AMER3: variants seen among roughly 807,000 people sequenced by gnomAD.
The protein encoded by AMER3 is APC membrane recruitment protein 3.
For missense variants in AMER3, 1,201 were observed against 1,139.4 expected (o/e 1.05, Z -0.78); for synonymous variants, 541 against 485.5 (o/e 1.11, Z -1.50).
rs1326350055 is a variant in AMER3 at position 130,766,746 on chromosome 2, C to G, written c.*2088C>G. On this transcript the variant is annotated 3_prime_UTR_variant, in exon 2 of 2. Coordinates refer to ENST00000321420, the MANE Select transcript of AMER3 (RefSeq NM_152698.3). ...CAAAATCTCCTCAACTAAAATGTCT[C>G]AAAATCTCAGCCTCCCACAGTGCTG... 1 of 165,042 alleles carries G rather than the reference C, an allele frequency of 6.1e-6. No individual in the cohort carries two copies. The highest frequency in any genetic ancestry group is 2.4e-5 in the African/African-American group (1 of 41,426). 10.2% of individuals were successfully genotyped at this position (165,042 alleles called of 1,614,324 possible).
At chr2:130,760,073 A>G (rs970368357) in intron 1 of AMER3, among the ~76,000 whole-genome samples, 1 of 152,210 alleles carries the variant, frequency 6.6e-6, no homozygotes, top group African/African-American at 2.4e-5. Context: ...AGACTTAGGC[A>G]TACACCATCT....
rs1446855812 is a variant in AMER3, at chr2:130,763,642, C to G, written c.1570C>G (p.Pro524Ala). The change falls in exon 2 of 2, where the codon CCT (proline) becomes GCT (alanine). Residue 524 changes from proline (P) to alanine (A), a missense_variant. Pro to Ala is a conservative substitution (Grantham distance 27). Coordinates refer to ENST00000321420, the MANE Select transcript of AMER3 (RefSeq NM_152698.3). ...RGPTPRAPPT[P>A]GQPAAPPGSQ... is the part of the protein sequence containing the mutation. ...CCCCACGCCCCGTGCCCCACCCACC[C>G]CTGGGCAGCCTGCAGCTCCACCTGG... The G allele has an allele frequency of 2.8e-5, 43 of 1,532,418 alleles. No individual in the cohort carries two copies. Among genetic ancestry groups the G allele is most frequent in the Non-Finnish European group, 3.5e-5 (40 of 1,140,544 alleles). 94.9% of individuals were successfully genotyped at this position (1,532,418 alleles called of 1,614,324 possible). A position where few individuals can be genotyped will look rare whatever the true frequency, so the allele number is the denominator to read the frequency against.
rs1390621861 is a variant in AMER3 at position 130,766,314 on chromosome 2, A to C, written c.*1656A>C. 1.8e-5 allele frequency: 3 copies of C among 167,088 alleles called. No homozygotes were observed. The highest frequency in any genetic ancestry group is 7.2e-5 in the African/African-American group (3 of 41,448). The allele number at this position is 167,088 out of a possible 1,614,324, so 10.4% of individuals were successfully genotyped here. Reference sequence around the variant, plus strand: ...TCTGGCCTACTCGCTGCCCCAGGACAGGTGGCTACAACATGCTGAGGGCCT... The same window carrying C: ...TCTGGCCTACTCGCTGCCCCAGGACCGGTGGCTACAACATGCTGAGGGCCT... On this transcript the variant is annotated 3_prime_UTR_variant, in exon 2 of 2. Transcript: ENST00000321420.
Position 130,766,337 on chromosome 2 carries a change from C to T in AMER3, c.*1679C>T, listed in dbSNP as rs766447761. 22 of 167,032 alleles carry T rather than the reference C, an allele frequency of 1.3e-4. No individual in the cohort carries two copies. The highest frequency in any genetic ancestry group is 2.1e-4 in the Non-Finnish European group (14 of 68,154). The allele number at this position is 167,032 out of a possible 1,614,324, so 10.3% of individuals were successfully genotyped here. A position where few individuals can be genotyped will look rare whatever the true frequency, so the allele number is the denominator to read the frequency against. On this transcript the variant is annotated 3_prime_UTR_variant, in exon 2 of 2. Transcript: ENST00000321420. ...ACAGGTGGCTACAACATGCTGAGGGCCTGAAGGGCGTCCCCTCAGGAACAT... is the reference window on the plus strand; with the variant it reads ...ACAGGTGGCTACAACATGCTGAGGGTCTGAAGGGCGTCCCCTCAGGAACAT...
Position 130,764,679 on chromosome 2 carries a change from G to T in AMER3, c.*21G>T. On this transcript the variant is annotated 3_prime_UTR_variant, in exon 2 of 2. Transcript: ENST00000321420. ...TGTAGGACAGGCTCACATGCACCAG[G>T]AACTGCATGTGTCTTCATGACCACT... The T allele has an allele frequency of 6.4e-7, 1 of 1,570,608 alleles. No homozygotes were observed.
chr2:130,762,044 T>C lies in AMER3; in HGVS notation c.-19-10T>C, dbSNP rs776278193. ...CTATGATACTGAGTGCCTCCTGCTT[T>C]CCTCCACAGCAGCTGGGGCACTGGC... On this transcript the variant is annotated splice_polypyrimidine_tract_variant and intron_variant, in intron 1 of 1. Transcript: ENST00000321420. 1.9e-6 allele frequency: 3 copies of C among 1,600,352 alleles called. No homozygotes were observed. The South Asian group carries it at 3.4e-5, about 18-fold the overall frequency.
chr2:130,765,803 T>A lies in AMER3; in HGVS notation c.*1145T>A, dbSNP rs1160795152. ...TCTCCCTGGGCCTCAGCAGATTGAA[T>A]GCTGCCCACCAACATTGAGGGTGGA... On this transcript the variant is annotated 3_prime_UTR_variant, in exon 2 of 2. Coordinates refer to ENST00000321420, the MANE Select transcript of AMER3 (RefSeq NM_152698.3). 6.0e-6 allele frequency: 1 copy of A among 167,040 alleles called. No homozygotes were observed. The highest frequency in any genetic ancestry group is 2.4e-5 in the African/African-American group (1 of 41,452). 10.3% of individuals were successfully genotyped at this position (167,040 alleles called of 1,614,324 possible).
At chr2:130,761,603 C>T (rs1014531088) in intron 1 of AMER3, among the ~76,000 whole-genome samples, 3 of 152,210 alleles carry the variant, frequency 2.0e-5, no homozygotes, top group African/African-American at 7.2e-5. Flanking sequence ...GGCCAGCTGC[C>T]TTCAGCCCAG....
Position 130,764,010 on chromosome 2 carries a change from G to A in AMER3, c.1938G>A (p.Gly646=), listed in dbSNP as rs1441665828. The change falls in exon 2 of 2, where the codon GGG becomes GGA. Residue 646 remains glycine (G), a synonymous_variant. Coordinates refer to ENST00000321420, the MANE Select transcript of AMER3 (RefSeq NM_152698.3). ...STWPCSQKEP[G]PPGVLGCFRG... is the part of the protein sequence containing the mutation. Reference sequence around the variant, plus strand: ...GGCCCTGCTCCCAGAAGGAGCCTGGGCCACCAGGGGTCCTGGGGTGTTTCC... The same window carrying A: ...GGCCCTGCTCCCAGAAGGAGCCTGGACCACCAGGGGTCCTGGGGTGTTTCC... The A allele has an allele frequency of 2.5e-6, 4 of 1,612,974 alleles. No individual in the cohort carries two copies. Among genetic ancestry groups the A allele is most frequent in the Admixed American group, 1.7e-5 (1 of 59,878 alleles).
At chr2:130,760,836 C>T (rs1028767605) in intron 1 of AMER3, among the ~76,000 whole-genome samples, 3 of 152,180 alleles carry the variant, frequency 2.0e-5, no homozygotes, top group Non-Finnish European at 4.4e-5. Context: ...GCTCTTCTTT[C>T]ACCTTGGCTC....
At position 130,762,141 on chromosome 2, in the gene AMER3, C is replaced by T. The variant is rs772482449; in HGVS notation, c.69C>T (p.Asp23=). 1.9e-5 allele frequency: 30 copies of T among 1,609,934 alleles called. No homozygotes were observed. In the African/African-American group the frequency reaches 3.3e-4, roughly 18 times the overall value. The change falls in exon 2 of 2, where the codon GAC becomes GAT. Residue 23 remains aspartate, a synonymous_variant. Coordinates refer to ENST00000321420, the MANE Select transcript of AMER3 (RefSeq NM_152698.3). ...SLQVSHEKPP[D]PAAVAAAREG... ...AGGTTTCCCACGAGAAACCCCCAGA[C>T]CCAGCAGCCGTGGCTGCAGCCAGGG...
chr2:130,756,277 G>A (rs1678605628), intron 1 of AMER3: 2 of 147,860 alleles, frequency 1.4e-5, no homozygotes, highest in Non-Finnish European at 3.0e-5. Flanking sequence ...CCCGGCCGCG[G>A]CGCGCGGCGC....
chr2:130,755,865 G>C (rs550812035), intron 1 of AMER3, 191 bp downstream of exon 1: 2 of 152,412 alleles, frequency 1.3e-5, no homozygotes, highest in South Asian at 4.1e-4. Context: ...GCGGTCGGCA[G>C]GGCTGGGCTG....
At position 130,765,774 on chromosome 2, in the gene AMER3, T is replaced by C. The variant is rs1558970898; in HGVS notation, c.*1116T>C. The C allele has an allele frequency of 1.2e-5, 2 of 167,046 alleles. No individual in the cohort carries two copies. Among genetic ancestry groups the C allele is most frequent in the Non-Finnish European group, 2.9e-5 (2 of 68,134 alleles). The allele number at this position is 167,046 out of a possible 1,614,324, so 10.3% of individuals were successfully genotyped here. A position where few individuals can be genotyped will look rare whatever the true frequency, so the allele number is the denominator to read the frequency against. On this transcript the variant is annotated 3_prime_UTR_variant, in exon 2 of 2. Transcript: ENST00000321420. ...AGAGAGACCAGTTTGCCTTCTTTAT[T>C]TGTTCTCCCTGGGCCTCAGCAGATT...
In AMER3 at chr2:130,763,407, T is replaced by G. The variant is rs753755296; in HGVS notation, c.1335T>G (p.Ser445=). 5 of 1,612,952 alleles carry G rather than the reference T, an allele frequency of 3.1e-6. No homozygotes were observed. In the South Asian group the frequency reaches 3.3e-5, roughly 11 times the overall value. The change falls in exon 2 of 2, where the codon TCT becomes TCG. Residue 445 remains serine (S), a synonymous_variant. Transcript: ENST00000321420. ...GPSPDDDLCV[S]ESLSGPALGT... ...GCCCAGATGATGACCTGTGCGTGTC[T>G]GAGAGTCTGTCAGGGCCGGCCCTGG...
chr2:130,764,561 C>T lies in AMER3; in HGVS notation c.2489C>T (p.Pro830Leu). The T allele has an allele frequency of 6.2e-7, 1 of 1,604,446 alleles. No homozygotes were observed. The highest frequency in any genetic ancestry group is 2.2e-5 in the East Asian group (1 of 44,656). ...QQEGGVSASA[P>L]ECRCSLLARE... ...GAAGGGGGGGTCTCTGCAAGTGCCC[C>T]AGAATGCCGCTGCAGCCTCCTGGCC... The change falls in exon 2 of 2, where the codon CCA becomes CTA. Residue 830 changes from proline (P) to leucine (L), a missense_variant. Transcript: ENST00000321420.
rs1224242506 is a variant in AMER3 at position 130,763,244 on chromosome 2, T to G, written c.1172T>G (p.Phe391Cys). Residue 391 changes from phenylalanine (F) to cysteine (C), a missense_variant, in exon 2 of 2, where the codon TTC (phenylalanine) becomes TGC (cysteine). Coordinates refer to ENST00000321420, the MANE Select transcript of AMER3 (RefSeq NM_152698.3). ...AGTGACGAGGGCTACTATGATTCCT[T>G]CTCGCCAGGACTTGAGGAGGACAAG... ...STSDEGYYDS[F>C]SPGLEEDKKE... 6.2e-7 allele frequency: 1 copy of G among 1,613,762 alleles called. No individual in the cohort carries two copies. Among genetic ancestry groups the G allele is most frequent in the South Asian group, 1.1e-5 (1 of 91,068 alleles).
At chr2:130,760,769 G>T (rs763023834) in intron 1 of AMER3, among the ~76,000 whole-genome samples, 1 of 152,070 alleles carries the variant, frequency 6.6e-6, no homozygotes, top group African/African-American at 2.4e-5. Context: ...TCTCTTCCTG[G>T]GTACTGAAGG....
Position 130,764,041 on chromosome 2 carries a change from C to A in AMER3, c.1969C>A (p.Pro657Thr). The A allele has an allele frequency of 5.0e-6, 8 of 1,612,900 alleles. No individual in the cohort carries two copies. The highest frequency in any genetic ancestry group is 6.8e-6 in the Non-Finnish European group (8 of 1,179,740). The change falls in exon 2 of 2, where the codon CCC becomes ACC. Residue 657 changes from proline to threonine, a missense_variant. Physicochemically the swap from Pro to Thr is conservative, Grantham distance 38. Transcript: ENST00000321420. Reference protein sequence around the residue: ...PPGVLGCFRGPWRPGHGGDTL... With the variant: ...PPGVLGCFRGTWRPGHGGDTL... ...AGGGGTCCTGGGGTGTTTCCGAGGC[C>A]CCTGGAGGCCAGGTCACGGAGGTGA... is the stretch of plus-strand genomic sequence containing the variant.
Sources: gnomAD v4.1 joint callset for allele counts (sites outside exome capture counted in the v4.1 genomes callset) on GRCh38, gnomAD v4.1.1 for gene constraint, MANE v1.5 for transcripts, NCBI Gene and HGNC (gene_info 2026-07-23, HGNC 2026-07-21) for gene names.